The following RBFOX1 variants were observed in gnomAD, a reference collection of about 807,000 sequenced individuals.
The protein encoded by RBFOX1 is RNA binding fox-1 homolog 1.
Under a neutral mutation model 57.7 loss-of-function variants are expected in RBFOX1, and 8 were observed. The ratio of observed to expected loss-of-function variants is 0.14; its 90% confidence interval spans 0.08 to 0.25. The LOEUF is 0.25. RBFOX1 is among the 10% of genes least tolerant of loss of function. The pLI is 1.00. For synonymous variants in RBFOX1, 326 were observed against 222.4 expected (o/e 1.47, Z -4.15); for missense variants, 611 against 548.5 (o/e 1.11, Z -1.14).
At chr16:6,871,262 T>C (rs1463422574) in intron 3 of RBFOX1, among the ~76,000 whole-genome samples, 1 of 152,208 alleles carries the variant, frequency 6.6e-6, no homozygotes, top group Admixed American at 6.5e-5. Context: ...CTCGGCTCAC[T>C]CTAACCTCCC....
intron 10 of RBFOX1, among the ~76,000 whole-genome samples, chr16:7,625,402 C>G (rs534801268): frequency 6.6e-6 from 1 of 152,236 alleles, no homozygotes; most frequent in Non-Finnish European, 1.5e-5. Flanking sequence ...CACCTAGAAC[C>G]TTTACCCTTA....
chr16:7,333,156 A>G lies in RBFOX1; in HGVS notation c.28-184991A>G, dbSNP rs574405898. On this transcript the variant is annotated intron_variant, in intron 4 of 15. Transcript: ENST00000550418. ...GCTCAGAGTAATAATTGGAATTTTT[A>G]TGGTTGAGAAAGCAAACACTTTTAA... is the stretch of plus-strand genomic sequence containing the variant. 4.7e-5 allele frequency: 68 copies of G among 1,460,050 alleles called. No individual in the cohort carries two copies. In the South Asian group the frequency reaches 6.9e-4, roughly 15 times the overall value. The allele number at this position is 1,460,050 out of a possible 1,614,324, so 90.4% of individuals were successfully genotyped here.
intron 3 of RBFOX1, among the ~76,000 whole-genome samples, chr16:6,836,632 G>C (rs377609785): frequency 1.3e-5 from 2 of 152,082 alleles, no homozygotes; most frequent in African/African-American, 4.8e-5. Flanking sequence ...AAGGTCTTAC[G>C]GACTTTCACC....
At chr16:6,662,571 T>A (rs544938961) in intron 3 of RBFOX1, among the ~76,000 whole-genome samples, 12 of 152,180 alleles carry the variant, frequency 7.9e-5, no homozygotes, top group African/African-American at 2.4e-4. Flanking sequence ...TGGTATCAAA[T>A]CACGTAGTAG....
intron 1 of RBFOX1, among the ~76,000 whole-genome samples, chr16:6,161,388 TAAA>T (rs57538647): frequency 3.8e-5 from 5 of 131,850 alleles, no homozygotes; most frequent in Admixed American, 7.6e-5. Context: ...GACTCTGTCT[TAAA>T]AAAAAAAAAA....
chr16:7,076,806 C>A (rs2058378893), intron 4 of RBFOX1, among the ~76,000 whole-genome samples: 1 of 152,176 alleles, frequency 6.6e-6, no homozygotes, highest in Non-Finnish European at 1.5e-5. Context: ...TATGCCCACT[C>A]ATATACCTCC....
intron 2 of RBFOX1, among the ~76,000 whole-genome samples, chr16:5,521,516 A>G (rs904867601): frequency 4.5e-5 from 2 of 44,012 alleles, no homozygotes; most frequent in Non-Finnish European, 1.1e-4. Context: ...CAACGAACCT[A>G]TCTGTAAACT....
intron 3 of RBFOX1, among the ~76,000 whole-genome samples, chr16:6,855,390 G>T (rs1177087087): frequency 6.6e-6 from 1 of 152,034 alleles, no homozygotes; most frequent in East Asian, 1.9e-4. Flanking sequence ...AGTGGCTCAC[G>T]CCTGTAATCC....
intron 11 of RBFOX1, among the ~76,000 whole-genome samples, chr16:7,644,873 C>G (rs910463644): frequency 7.9e-5 from 12 of 152,126 alleles, no homozygotes; most frequent in African/African-American, 2.6e-4. Context: ...TTGGAGGGAG[C>G]GATGTTTGAA....
intron 4 of RBFOX1, among the ~76,000 whole-genome samples, chr16:6,012,798 A>G (rs1309580218): frequency 2.0e-5 from 3 of 152,244 alleles, no homozygotes; most frequent in Admixed American, 2.0e-4. Context: ...AGGTACCTGT[A>G]GGGGGGTCCA....
chr16:5,364,431 C>A (rs149329105), intron 1 of RBFOX1, among the ~76,000 whole-genome samples: 1 of 152,178 alleles, frequency 6.6e-6, no homozygotes, highest in South Asian at 2.1e-4. Context: ...AGAAATATTC[C>A]GGTTCCAATT....
intron 3 of RBFOX1, among the ~76,000 whole-genome samples, chr16:5,644,453 T>C (rs2048982357): frequency 6.6e-6 from 1 of 152,188 alleles, no homozygotes; most frequent in African/African-American, 2.4e-5. Flanking sequence ...GGGCTCCAGA[T>C]GGGTTGAAGT....
intron 4 of RBFOX1, among the ~76,000 whole-genome samples, chr16:7,208,018 C>T (rs543890083): frequency 1.8e-3 from 273 of 152,208 alleles, no homozygotes; most frequent in Non-Finnish European, 3.0e-3. Context: ...TCACTGAAAC[C>T]GGCGCATGGT....
In RBFOX1 at chr16:6,959,730, A is replaced by G. The variant is rs529954089; in HGVS notation, c.-15-92327A>G. Among the ~76,000 whole-genome samples the G allele has an allele frequency of 5.9e-5, 9 of 152,274 alleles. No individual in the cohort carries two copies. In the South Asian group the frequency reaches 1.9e-3, roughly 32 times the overall value. ...GGTAGGCGGATCACCTGAGGTCAGG[A>G]GTTCGAGACCAGCCTGGCCAACATG... is the stretch of plus-strand genomic sequence containing the variant. On this transcript the variant is annotated intron_variant, in intron 3 of 15. Coordinates refer to ENST00000550418, the MANE Select transcript of RBFOX1 (RefSeq NM_018723.4).
chr16:5,364,573 A>T (rs535140835), intron 1 of RBFOX1, among the ~76,000 whole-genome samples: 67 of 152,086 alleles, frequency 4.4e-4, no homozygotes, highest in Admixed American at 1.1e-3. Context: ...GATGATACTT[A>T]CTCCATTCTC....
intron 4 of RBFOX1, among the ~76,000 whole-genome samples, chr16:6,006,345 C>G (rs2094927089): frequency 6.7e-6 from 1 of 148,896 alleles, no homozygotes; most frequent in Admixed American, 6.8e-5. Context: ...TGAGTGCACA[C>G]ACAAGGATTT....
chr16:6,569,829 A>AT (rs1476408142), intron 2 of RBFOX1, among the ~76,000 whole-genome samples: 3 of 152,132 alleles, frequency 2.0e-5, no homozygotes, highest in African/African-American at 7.2e-5. Context: ...CTTTAAGCAG[A>AT]TTTTTCAAGT....
At chr16:5,420,002 C>T (rs548002129) in intron 1 of RBFOX1, among the ~76,000 whole-genome samples, 2 of 152,138 alleles carry the variant, frequency 1.3e-5, no homozygotes, top group African/African-American at 2.4e-5. Flanking sequence ...GATATTGTGA[C>T]TTGGGCCTGT....
At chr16:6,506,030 C>T (rs1223836459) in intron 2 of RBFOX1, among the ~76,000 whole-genome samples, 7 of 152,134 alleles carry the variant, frequency 4.6e-5, no homozygotes, top group Non-Finnish European at 8.8e-5. Flanking sequence ...GATAGGTGAC[C>T]TAAAGGAAAG....
Sources: gnomAD v4.1 joint callset for allele counts (sites outside exome capture counted in the v4.1 genomes callset) on GRCh38, gnomAD v4.1.1 for gene constraint, MANE v1.5 for transcripts, NCBI Gene and HGNC (gene_info 2026-07-23, HGNC 2026-07-21) for gene names.